Variants in GPATCH2 observed in about 807,000 individuals in gnomAD.
GPATCH2 encodes the protein G-patch domain containing 2, also known as G patch domain-containing protein 2.
In GPATCH2, 51 loss-of-function variants were observed where a neutral mutation model predicts 58.0. The observed-to-expected ratio is 0.88, with a 90% CI of 0.70 to 1.11. The LOEUF (loss-of-function observed/expected upper bound fraction) is 1.11, where lower values mean the gene tolerates loss of function less well. GPATCH2 is among the 50% of genes most tolerant of loss of function. GPATCH2 has a pLI of 0.00. For synonymous variants in GPATCH2, 222 were observed against 218.5 expected (o/e 1.02, Z -0.14); for missense variants, 625 against 652.2 (o/e 0.96, Z 0.45).
intron 6 of GPATCH2, among the ~76,000 whole-genome samples, chr1:217,501,362 T>G (rs143542147): frequency 6.6e-6 from 1 of 152,246 alleles, no homozygotes; most frequent in East Asian, 1.9e-4. Context: ...GACTTCTGAG[T>G]TATATCCAAT....
intron 9 of GPATCH2, among the ~76,000 whole-genome samples, chr1:217,438,514 A>G (rs1310239742): frequency 6.6e-6 from 1 of 152,272 alleles, no homozygotes; most frequent in East Asian, 1.9e-4. Flanking sequence ...AGTTTAGAGA[A>G]GAACATAAAT....
intron 7 of GPATCH2, 194 bp downstream of exon 7, chr1:217,498,162 A>G (rs1244652956): frequency 3.0e-6 from 2 of 674,002 alleles, no homozygotes; most frequent in African/African-American, 3.6e-5. Context: ...AGTAAAGGAA[A>G]GAAAACTCTC....
chr1:217,507,948 T>A (rs1662643415), intron 6 of GPATCH2, among the ~76,000 whole-genome samples: 2 of 152,088 alleles, frequency 1.3e-5, no homozygotes, highest in South Asian at 2.1e-4. Flanking sequence ...GTGGTGCATA[T>A]GAAAATTATC....
intron 6 of GPATCH2, among the ~76,000 whole-genome samples, chr1:217,508,853 G>T (rs1558443372): frequency 6.6e-6 from 1 of 151,538 alleles, no homozygotes; most frequent in African/African-American, 2.4e-5. Flanking sequence ...TCATTTCTCT[G>T]TGCTACATAT....
chr1:217,587,733 A>AT (rs1667406377), intron 5 of GPATCH2, among the ~76,000 whole-genome samples: 1 of 152,118 alleles, frequency 6.6e-6, no homozygotes, highest in African/African-American at 2.4e-5. Flanking sequence ...ATATAGAAAG[A>AT]TTTTTCTGGA....
Position 217,619,936 on chromosome 1 carries a change from T to C in GPATCH2, c.620A>G (p.Asn207Ser), listed in dbSNP as rs1434246081. Reference sequence around the variant, plus strand: ...TTTCAACTTTCTTTTTTTGACTTTGTTCTTGGTAAATTCTTGATACTGGTA... The same window carrying C: ...TTTCAACTTTCTTTTTTTGACTTTGCTCTTGGTAAATTCTTGATACTGGTA... ...RAYQYQEFTK[N>S]KVKKRKLKII... Residue 207 changes from asparagine (N) to serine (S), a missense_variant, in exon 2 of 10, where the codon AAC becomes AGC. By Grantham distance (46) the Asn-to-Ser change is conservative. Transcript: ENST00000366935. The C allele has an allele frequency of 6.2e-7, 1 of 1,614,048 alleles. No individual in the cohort carries two copies. Among genetic ancestry groups the C allele is most frequent in the South Asian group, 1.1e-5 (1 of 91,074 alleles).
intron 5 of GPATCH2, among the ~76,000 whole-genome samples, chr1:217,573,359 A>C (rs1371935865): frequency 5.3e-5 from 8 of 152,172 alleles, no homozygotes; most frequent in Non-Finnish European, 7.4e-5. Flanking sequence ...GGAAAAAAAA[A>C]ATCAAAATAC....
At chr1:217,441,228 CA>C (rs1439579773) in intron 9 of GPATCH2, among the ~76,000 whole-genome samples, 1 of 152,106 alleles carries the variant, frequency 6.6e-6, no homozygotes, top group Non-Finnish European at 1.5e-5. Context: ...TGATCTTTGA[CA>C]AACCTGAGAA....
chr1:217,621,013 G>A (rs1669163808), intron 1 of GPATCH2, among the ~76,000 whole-genome samples: 2 of 152,174 alleles, frequency 1.3e-5, no homozygotes, highest in Non-Finnish European at 2.9e-5. Flanking sequence ...TAATATACGT[G>A]AAAGTTTAAC....
chr1:217,449,119 ATTTGTTT>A (rs1223861493), intron 9 of GPATCH2, 123 bp downstream of exon 9: 1 of 646,024 alleles, frequency 1.5e-6, no homozygotes, highest in Non-Finnish European at 2.8e-6. Flanking sequence ...CATGCAAATG[ATTTGTTT>A]TCATAGTTTC....
intron 5 of GPATCH2, among the ~76,000 whole-genome samples, chr1:217,548,949 C>T (rs1349816802): frequency 6.6e-6 from 1 of 152,152 alleles, no homozygotes; most frequent in Admixed American, 6.5e-5. Flanking sequence ...TGAAAACAGA[C>T]TAATACATGG....
At chr1:217,595,101 G>C (rs1422907382) in intron 5 of GPATCH2, among the ~76,000 whole-genome samples, 1 of 152,138 alleles carries the variant, frequency 6.6e-6, no homozygotes, top group Non-Finnish European at 1.5e-5. Context: ...TCCAAAAGTT[G>C]AGCAAGCACA....
chr1:217,544,097 A>C (rs1664900675), intron 5 of GPATCH2, among the ~76,000 whole-genome samples: 1 of 152,202 alleles, frequency 6.6e-6, no homozygotes, highest in Non-Finnish European at 1.5e-5. Flanking sequence ...CTGAACTGAG[A>C]TATGAAACTG....
intron 5 of GPATCH2, among the ~76,000 whole-genome samples, chr1:217,563,946 G>A (rs1362921201): frequency 6.6e-6 from 1 of 150,946 alleles, no homozygotes; most frequent in Non-Finnish European, 1.5e-5. Flanking sequence ...CAGGAGGCTG[G>A]GGCAGGACAA....
rs78056418 is a variant in GPATCH2, at chr1:217,513,587, C to T, written c.1166+1235G>A. ...ATATATGGTATTGCTCTAAAATACACAACAAGTTAAGCTTTTCCAACAAAG... is the reference window on the plus strand; with the variant it reads ...ATATATGGTATTGCTCTAAAATACATAACAAGTTAAGCTTTTCCAACAAAG... On this transcript the variant is annotated intron_variant, in intron 6 of 9. Coordinates refer to ENST00000366935, the MANE Select transcript of GPATCH2 (RefSeq NM_018040.5). Among the ~76,000 whole-genome samples the T allele has an allele frequency of 9.7e-4, 148 of 152,122 alleles. 1 individual carries two copies. Among genetic ancestry groups the T allele is most frequent in the African/African-American group, 3.3e-3 (139 of 41,508 alleles).
chr1:217,607,946 A>C (rs10495061), intron 5 of GPATCH2, among the ~76,000 whole-genome samples: 20,949 of 152,156 alleles, frequency 0.14, 1,598 homozygotes, highest in Non-Finnish European at 0.18. Context: ...TACTTTGCTC[A>C]GAAAATTAAT....
At chr1:217,505,732 A>AAG (rs756076600) in intron 6 of GPATCH2, among the ~76,000 whole-genome samples, 2 of 152,204 alleles carry the variant, frequency 1.3e-5, no homozygotes, top group Non-Finnish European at 2.9e-5. Flanking sequence ...TAGTGGGGCT[A>AAG]ATATATATAA....
At chr1:217,492,423 C>T (rs1198568801) in intron 7 of GPATCH2, 1 of 152,180 alleles carries the variant, frequency 6.6e-6, no homozygotes, top group African/African-American at 2.4e-5. Context: ...CAATATTCTT[C>T]ACTATGTGCT....
chr1:217,462,935 G>A lies in GPATCH2; in HGVS notation c.1278-13598C>T, dbSNP rs977345638. ...CTTTTATGCTTGGCCTTTCTCATGTGTGAAATGGAGATGATAGCAGAACCA... is the reference window on the plus strand; with the variant it reads ...CTTTTATGCTTGGCCTTTCTCATGTATGAAATGGAGATGATAGCAGAACCA... On this transcript the variant is annotated intron_variant, in intron 8 of 9. Coordinates refer to ENST00000366935, the MANE Select transcript of GPATCH2 (RefSeq NM_018040.5). 1.5e-4 allele frequency among the ~76,000 whole-genome samples: 23 copies of A among 152,106 alleles called. 1 individual carries two copies. The highest frequency in any genetic ancestry group is 2.5e-4 in the Non-Finnish European group (17 of 68,022).
Sources: gnomAD v4.1 joint callset for allele counts (sites outside exome capture counted in the v4.1 genomes callset) on GRCh38, gnomAD v4.1.1 for gene constraint, MANE v1.5 for transcripts, NCBI Gene and HGNC (gene_info 2026-07-23, HGNC 2026-07-21) for gene names.